CLEC16A: variants seen among roughly 807,000 people sequenced by gnomAD.
CLEC16A encodes the protein protein CLEC16A.
A neutral mutation model predicts 109.5 loss-of-function variants in CLEC16A; 51 were observed. The observed-to-expected ratio is 0.47, with a 90% CI of 0.37 to 0.59. CLEC16A has a LOEUF of 0.59. Ranked by LOEUF, CLEC16A falls within the 20% of genes least tolerant of loss-of-function variation. CLEC16A has a pLI of 0.00. For missense variants in CLEC16A, 1,339 were observed against 1,394.0 expected (o/e 0.96, Z 0.63); for synonymous variants, 673 against 564.2 (o/e 1.19, Z -2.73).
Position 11,085,143 on chromosome 16 carries a change from C to T in CLEC16A, c.2116+24121C>T, listed in dbSNP as rs75275615. 3.2e-3 allele frequency among the ~76,000 whole-genome samples: 494 copies of T among 152,342 alleles called. 6 individuals are homozygous for T. The highest frequency in any genetic ancestry group is 0.011 in the African/African-American group (472 of 41,582). On this transcript the variant is annotated intron_variant, in intron 19 of 23. Coordinates refer to ENST00000409790, the MANE Select transcript of CLEC16A (RefSeq NM_015226.3). ...AAAGGCACCTCTGTGCCACCCTTCT[C>T]GGCCAGCACCAAGCACTGGACTCAT... is the stretch of plus-strand genomic sequence containing the variant.
chr16:11,007,941 A>T (rs79406089), intron 11 of CLEC16A, among the ~76,000 whole-genome samples: 1,799 of 152,256 alleles, frequency 0.012, 11 homozygotes, highest in Non-Finnish European at 0.018. Flanking sequence ...GGAGAATTAG[A>T]GGTGAATTAG....
At chr16:11,054,865 T>C (rs1425644496) in intron 18 of CLEC16A, among the ~76,000 whole-genome samples, 1 of 152,140 alleles carries the variant, frequency 6.6e-6, no homozygotes, top group Non-Finnish European at 1.5e-5. Context: ...ATGTGGTTCG[T>C]TTCAAGTTTT....
At chr16:11,058,646 T>C (rs2048331699) in intron 18 of CLEC16A, among the ~76,000 whole-genome samples, 1 of 152,198 alleles carries the variant, frequency 6.6e-6, no homozygotes, top group Admixed American at 6.5e-5. Context: ...ATGATTGTTA[T>C]TATCCATGTG....
At chr16:10,966,288 C>A (rs554158692) in intron 3 of CLEC16A, among the ~76,000 whole-genome samples, 1 of 152,132 alleles carries the variant, frequency 6.6e-6, no homozygotes, top group African/African-American at 2.4e-5. Flanking sequence ...TGGTAATAAG[C>A]GAAAGAGGCC....
Position 11,171,665 on chromosome 16 carries a change from G to A in CLEC16A, c.2806+5113G>A, listed in dbSNP as rs898330370. Among the ~76,000 whole-genome samples, 9 of 152,242 alleles carry A rather than the reference G, an allele frequency of 5.9e-5. No individual in the cohort carries two copies. The East Asian group carries it at 7.7e-4, about 13-fold the overall frequency. ...GCTGAACTTGCAAAGAATATACAGC[G>A]GGAAAGTGAAAAAAGACCCAATTTT... On this transcript the variant is annotated intron_variant, in intron 23 of 23. Coordinates refer to ENST00000409790, the MANE Select transcript of CLEC16A (RefSeq NM_015226.3).
At chr16:11,123,660 A>C in intron 20 of CLEC16A, 82 bp from the exon 21 acceptor site, 1 of 1,323,698 alleles carries the variant, frequency 7.6e-7, no homozygotes. Context: ...ACCTCTTTCT[A>C]GATGCCTCAT....
chr16:11,003,342 C>T (rs778687401), intron 11 of CLEC16A, 37 bp downstream of exon 11: 7 of 1,562,160 alleles, frequency 4.5e-6, no homozygotes, highest in East Asian at 2.3e-5. Context: ...GTGCCTGCGC[C>T]GCCAGCCAGC....
chr16:11,042,374 C>G lies in CLEC16A; in HGVS notation c.1770+11C>G. On this transcript the variant is annotated intron_variant, in intron 15 of 23. Transcript: ENST00000409790. ...CTGGCCTGCCTGGAGGTAACGCCCTCTCCGCTCCTCCTTCCTGTGGGCCAA... is the reference window on the plus strand; with the variant it reads ...CTGGCCTGCCTGGAGGTAACGCCCTGTCCGCTCCTCCTTCCTGTGGGCCAA... 6.5e-7 allele frequency: 1 copy of G among 1,549,744 alleles called. No homozygotes were observed. The highest frequency in any genetic ancestry group is 8.8e-7 in the Non-Finnish European group (1 of 1,141,416).
intron 20 of CLEC16A, among the ~76,000 whole-genome samples, chr16:11,122,641 A>G (rs1293654378): frequency 6.6e-6 from 1 of 152,112 alleles, no homozygotes; most frequent in East Asian, 1.9e-4. Context: ...GAGAACCACA[A>G]CCATCTTCCT....
chr16:10,965,807 G>A (rs1365105020), intron 3 of CLEC16A, among the ~76,000 whole-genome samples: 1 of 152,176 alleles, frequency 6.6e-6, no homozygotes, highest in African/African-American at 2.4e-5. Context: ...CTGTCCTATG[G>A]TGGCCCCCCA....
intron 6 of CLEC16A, 71 bp from the exon 7 acceptor site, chr16:10,972,867 G>GTTTTTT: frequency 1.6e-6 from 2 of 1,280,788 alleles, no homozygotes; most frequent in South Asian, 1.6e-5. Flanking sequence ...CTTTGTTTTT[G>GTTTTTT]TTTTTTTTTT....
In CLEC16A at chr16:11,178,341, C is replaced by T; in HGVS notation, c.2813C>T (p.Pro938Leu). 6.2e-7 allele frequency: 1 copy of T among 1,604,758 alleles called. No individual in the cohort carries two copies. Among genetic ancestry groups the T allele is most frequent in the Non-Finnish European group, 8.5e-7 (1 of 1,172,784 alleles). Residue 938 changes from proline (P) to leucine (L), a missense_variant, in exon 24 of 24, where the codon CCC (proline) becomes CTC (leucine). Pro to Leu is a moderately conservative substitution (Grantham distance 98). Coordinates refer to ENST00000409790, the MANE Select transcript of CLEC16A (RefSeq NM_015226.3). The surrounding 1 kb of genome is among the most constrained non-coding windows in gnomAD (Gnocchi z 6.5). ...PSTAQSPADA[P>L]MSPELPKPHL... ...TTTTTCTCCCCCAATCCAGATGCCC[C>T]CATGAGTCCAGAACTGCCTAAGCCT...
At chr16:11,031,721 T>C (rs1374899002) in intron 13 of CLEC16A, among the ~76,000 whole-genome samples, 1 of 152,152 alleles carries the variant, frequency 6.6e-6, no homozygotes, top group Non-Finnish European at 1.5e-5. Context: ...GACAGTAAAC[T>C]AGTAACCAAG....
chr16:10,960,991 G>T (rs2042225387), intron 2 of CLEC16A, among the ~76,000 whole-genome samples: 1 of 151,902 alleles, frequency 6.6e-6, no homozygotes, highest in Admixed American at 6.6e-5. Flanking sequence ...CCAATGAATT[G>T]CCCACTCCCC....
chr16:11,159,642 C>T (rs1259537202), intron 22 of CLEC16A, among the ~76,000 whole-genome samples: 1 of 152,248 alleles, frequency 6.6e-6, no homozygotes, highest in Non-Finnish European at 1.5e-5. Context: ...CATTAAGCTG[C>T]TTTCAAAGAC....
At chr16:10,990,053 T>A (rs2043911908) in intron 10 of CLEC16A, among the ~76,000 whole-genome samples, 1 of 152,228 alleles carries the variant, frequency 6.6e-6, no homozygotes, top group Non-Finnish European at 1.5e-5. Context: ...CGCACATTCT[T>A]CTTCCTGAAA....
rs1360355962 is a variant in CLEC16A, at chr16:11,174,981, T to C, written c.2807-3354T>C. On this transcript the variant is annotated intron_variant, in intron 23 of 23. Transcript: ENST00000409790. This position sits in a 1 kb window ranked among gnomAD's most constrained non-coding sequence, Gnocchi z 4.7. ...GTGGTTTCTGATGCGCTTTTCTCCA[T>C]TGGCCGTTGCGCTTGTCTGCTGGGA... is the stretch of plus-strand genomic sequence containing the variant. Among the ~76,000 whole-genome samples the C allele has an allele frequency of 1.3e-5, 2 of 152,244 alleles. No individual in the cohort carries two copies. Among genetic ancestry groups the C allele is most frequent in the Non-Finnish European group, 2.9e-5 (2 of 68,042 alleles).
chr16:11,142,355 C>T (rs2053874855), intron 22 of CLEC16A, among the ~76,000 whole-genome samples: 1 of 152,218 alleles, frequency 6.6e-6, no homozygotes, highest in Non-Finnish European at 1.5e-5. Flanking sequence ...GCCTCACATG[C>T]GTGGCTCCTG....
At chr16:11,157,662 T>C (rs192990876) in intron 22 of CLEC16A, among the ~76,000 whole-genome samples, 14 of 152,304 alleles carry the variant, frequency 9.2e-5, no homozygotes, top group African/African-American at 2.6e-4. Context: ...TCTTTGGTTT[T>C]TGTGTAGATT....
Sources: gnomAD v4.1 joint callset for allele counts (sites outside exome capture counted in the v4.1 genomes callset) on GRCh38, gnomAD v4.1.1 for gene constraint, Gnocchi (gnomAD v3.1) non-coding constraint, MANE v1.5 for transcripts, NCBI Gene and HGNC (gene_info 2026-07-23, HGNC 2026-07-21) for gene names.